Variants in LNX1 observed in about 807,000 individuals in gnomAD.
LNX1 encodes the protein E3 ubiquitin-protein ligase LNX.
Under a neutral mutation model 68.4 loss-of-function variants are expected in LNX1, and 54 were observed. That is an observed-to-expected ratio of 0.79 (90% confidence interval 0.63 to 0.99). The LOEUF is 0.99. LNX1 is among the 50% of genes least tolerant of loss of function. The probability of loss-of-function intolerance (pLI) is 0.00; values close to 1 mark genes in which losing one functional copy is unlikely to be tolerated. For synonymous variants in LNX1, 336 were observed against 350.0 expected (o/e 0.96, Z 0.45); for missense variants, 906 against 926.4 (o/e 0.98, Z 0.29).
chr4:53,541,442 T>G (rs887401798), intron 2 of LNX1, among the ~76,000 whole-genome samples: 3 of 152,226 alleles, frequency 2.0e-5, no homozygotes, highest in African/African-American at 7.2e-5. Context: ...CACTTGGTAG[T>G]TTCTAAGACT....
intron 1 of LNX1, among the ~76,000 whole-genome samples, chr4:53,650,989 G>A (rs1476219321): frequency 6.6e-6 from 1 of 152,148 alleles, no homozygotes; most frequent in African/African-American, 2.4e-5. Flanking sequence ...TGAAGACAAC[G>A]CTATGAGGGA....
chr4:53,616,481 T>C (rs2668555), intron 2 of LNX1: 63,548 of 151,970 alleles, frequency 0.42, 13,296 homozygotes, highest in Admixed American at 0.45. Flanking sequence ...TACTTGGATT[T>C]GTCACAGAAT....
intron 6 of LNX1, among the ~76,000 whole-genome samples, chr4:53,485,259 G>T (rs1006801745): frequency 2.6e-5 from 4 of 152,132 alleles, no homozygotes; most frequent in Admixed American, 6.6e-5. Context: ...GCTCTCTTTG[G>T]GGAAACTCCG....
At chr4:53,487,965 C>T (rs1206125931) in intron 6 of LNX1, among the ~76,000 whole-genome samples, 1 of 152,178 alleles carries the variant, frequency 6.6e-6, no homozygotes, top group Non-Finnish European at 1.5e-5. Flanking sequence ...TCCCTTCCAG[C>T]AACTGTTCAA....
At chr4:53,533,296 A>T (rs999171590) in intron 2 of LNX1, among the ~76,000 whole-genome samples, 1 of 152,196 alleles carries the variant, frequency 6.6e-6, no homozygotes, top group Non-Finnish European at 1.5e-5. Context: ...GAGCTTGGTA[A>T]AAATAGAATC....
rs769043391 is a variant in LNX1, at chr4:53,506,229, G to A, written c.775+1088C>T. Among the ~76,000 whole-genome samples the A allele has an allele frequency of 3.9e-5, 6 of 152,176 alleles. No individual in the cohort carries two copies. The East Asian group carries it at 7.7e-4, about 20-fold the overall frequency. On this transcript the variant is annotated intron_variant, in intron 4 of 10. Coordinates refer to ENST00000263925, the MANE Select transcript of LNX1 (RefSeq NM_001126328.3). ...AGTTACCTAATCCCTCTGGGTCTCCGTTTTCTCATCTGTAAAATGGGAATG... is the reference window on the plus strand; with the variant it reads ...AGTTACCTAATCCCTCTGGGTCTCCATTTTCTCATCTGTAAAATGGGAATG...
intron 1 of LNX1, among the ~76,000 whole-genome samples, chr4:53,636,933 C>A (rs1057084480): frequency 6.6e-6 from 1 of 150,784 alleles, no homozygotes; most frequent in African/African-American, 2.4e-5. Context: ...GTATGCAGAC[C>A]GCAGGTTCCC....
At chr4:53,614,275 G>A (rs1300131443) in intron 2 of LNX1, among the ~76,000 whole-genome samples, 1 of 152,034 alleles carries the variant, frequency 6.6e-6, no homozygotes, top group Admixed American at 6.6e-5. Context: ...CTGACTCTGG[G>A]GCTTCCAGAT....
chr4:53,626,174 T>C (rs1363159906), intron 1 of LNX1, among the ~76,000 whole-genome samples: 1 of 152,096 alleles, frequency 6.6e-6, no homozygotes, highest in Non-Finnish European at 1.5e-5. Context: ...TTAAAAGAAA[T>C]GTCCAGAATA....
chr4:53,483,021 G>A (rs1374249371), intron 6 of LNX1, among the ~76,000 whole-genome samples: 3 of 152,094 alleles, frequency 2.0e-5, no homozygotes, highest in African/African-American at 7.2e-5. Context: ...CCACATCATC[G>A]ATATGGTTTG....
chr4:53,649,840 T>A (rs575194305), intron 1 of LNX1, among the ~76,000 whole-genome samples: 66 of 152,178 alleles, frequency 4.3e-4, no homozygotes, highest in African/African-American at 1.5e-3. Flanking sequence ...GGACTGGGAG[T>A]TCCTTGAGGG....
At chr4:53,579,299 C>A (rs1366720214) in intron 1 of LNX1, 16 of 981,692 alleles carry the variant, frequency 1.6e-5, no homozygotes, top group Non-Finnish European at 1.9e-5. Flanking sequence ...TTCAGTATAA[C>A]CCTGTGGTGC....
intron 2 of LNX1, among the ~76,000 whole-genome samples, chr4:53,518,254 C>A (rs1290751746): frequency 2.0e-5 from 3 of 152,060 alleles, no homozygotes; most frequent in Admixed American, 6.6e-5. Context: ...CTTGGTTTAC[C>A]AAAGATGCTG....
chr4:53,477,445 G>T (rs1723638534), intron 8 of LNX1, among the ~76,000 whole-genome samples: 1 of 152,120 alleles, frequency 6.6e-6, no homozygotes, highest in South Asian at 2.1e-4. Context: ...TCTGGCAGAG[G>T]AGTCTTGGAG....
intron 9 of LNX1, among the ~76,000 whole-genome samples, chr4:53,462,734 G>C (rs550471232): frequency 4.6e-4 from 70 of 152,090 alleles, no homozygotes; most frequent in Non-Finnish European, 9.7e-4. Flanking sequence ...AACCAGTTCT[G>C]AATCTATCGT....
intron 1 of LNX1, among the ~76,000 whole-genome samples, chr4:53,635,016 C>G (rs370939193): frequency 7.9e-5 from 12 of 151,586 alleles, no homozygotes; most frequent in Admixed American, 4.6e-4. Flanking sequence ...TTTTTGTACG[C>G]AAGAAGTCTC....
rs772097288 is a variant in LNX1 at position 53,498,649 on chromosome 4, T to C, written c.970A>G (p.Ile324Val). ...ACAGCCACAGTCTCTACCTTTAGAA[T>C]GATGTCTCCTGGCAGTAGCCGGCCG... ...RDGRLLPGDI[I>V]LKVNGMDISN... The change falls in exon 5 of 11, where the codon ATT becomes GTT. Residue 324 changes from isoleucine to valine, a missense_variant. Ile to Val is a conservative substitution (Grantham distance 29). Coordinates refer to ENST00000263925, the MANE Select transcript of LNX1 (RefSeq NM_001126328.3). 4 of 1,613,720 alleles carry C rather than the reference T, an allele frequency of 2.5e-6. No individual in the cohort carries two copies. Among genetic ancestry groups the C allele is most frequent in the Non-Finnish European group, 8.5e-7 (1 of 1,179,584 alleles).
chr4:53,651,639 T>C (rs972157080), intron 1 of LNX1, among the ~76,000 whole-genome samples: 2 of 152,132 alleles, frequency 1.3e-5, no homozygotes, highest in African/African-American at 4.8e-5. Context: ...GGAGACAGGA[T>C]GTGCTGCTGG....
At chr4:53,469,635 G>C (rs936407160) in intron 9 of LNX1, among the ~76,000 whole-genome samples, 1 of 152,122 alleles carries the variant, frequency 6.6e-6, no homozygotes, top group African/African-American at 2.4e-5. Context: ...TCAAATAGAT[G>C]CAATAAAAAA....
Sources: allele counts gnomAD v4.1 joint callset (sites outside exome capture counted in the v4.1 genomes callset), GRCh38; gene constraint gnomAD v4.1.1; transcripts MANE v1.5; gene names NCBI Gene and HGNC (gene_info 2026-07-23, HGNC 2026-07-21).